The following ABAT variants were observed in gnomAD, a reference collection of about 807,000 sequenced individuals.
ABAT encodes the protein 4-aminobutyrate aminotransferase.
Under a neutral mutation model 64.6 loss-of-function variants are expected in ABAT, and 45 were observed. That is an observed-to-expected ratio of 0.70 (90% CI 0.55 to 0.89). ABAT has a LOEUF of 0.89. Ranked by LOEUF, ABAT falls within the 40% of genes least tolerant of loss-of-function variation. The pLI, the probability that ABAT is intolerant of heterozygous loss-of-function variation, is 0.00. For synonymous variants in ABAT, 297 were observed against 250.5 expected (o/e 1.19, Z -1.75); for missense variants, 633 against 658.4 (o/e 0.96, Z 0.42).
chr16:8,779,380 G>C, intron 14 of ABAT, 99 bp from the exon 15 acceptor site: 1 of 1,012,654 alleles, frequency 9.9e-7, no homozygotes, highest in East Asian at 2.5e-5. Flanking sequence ...CAGAGGCCGA[G>C]GCTGGACCAT....
chr16:8,766,254 C>T lies in ABAT; in HGVS notation c.587C>T (p.Thr196Met), dbSNP rs546024063. 6.8e-6 allele frequency: 11 copies of T among 1,614,092 alleles called. No homozygotes were observed. The highest frequency in any genetic ancestry group is 4.5e-5 in the East Asian group (2 of 44,884). Residue 196 changes from threonine (T) to methionine (M), a missense_variant, in exon 9 of 16, where the codon ACG becomes ATG. Coordinates refer to ENST00000268251, the MANE Select transcript of ABAT (RefSeq NM_020686.6). ...QRGFSQEELE[T>M]CMINQAPGCP... ...GGCTTCTCCCAGGAGGAGCTGGAGA[C>T]GTGCATGATTAACCAGGTGAGTGCA...
intron 1 of ABAT, among the ~76,000 whole-genome samples, chr16:8,682,204 CACACACACACACACACACACACAG>C (rs1305847175): frequency 7.4e-6 from 1 of 134,548 alleles, no homozygotes; most frequent in African/African-American, 2.5e-5. Flanking sequence ...CACACACACA[CACACACACACACACACACACACAG>C]AGGAGGCATT....
intron 4 of ABAT, among the ~76,000 whole-genome samples, chr16:8,749,476 G>A (rs1478270659): frequency 7.9e-6 from 1 of 127,122 alleles, no homozygotes; most frequent in Non-Finnish European, 1.6e-5. Context: ...TCGGCTCACT[G>A]CAACATCCGC....
At chr16:8,686,891 A>T (rs1474172746) in intron 1 of ABAT, among the ~76,000 whole-genome samples, 1 of 152,234 alleles carries the variant, frequency 6.6e-6, no homozygotes, top group African/African-American at 2.4e-5. Context: ...AACTGATGGT[A>T]TGTGGAGAAA....
At chr16:8,772,403 C>A (rs563327986) in intron 11 of ABAT, among the ~76,000 whole-genome samples, 1 of 152,202 alleles carries the variant, frequency 6.6e-6, no homozygotes, top group South Asian at 2.1e-4. Context: ...AAAACAGAGG[C>A]AGAACCACAG....
chr16:8,709,894 A>G (rs1313215529), intron 1 of ABAT, among the ~76,000 whole-genome samples: 2 of 151,494 alleles, frequency 1.3e-5, no homozygotes, highest in African/African-American at 2.4e-5. Flanking sequence ...CGGTAGCACA[A>G]TCTCGGTTCT....
Position 8,718,720 on chromosome 16 carries a change from G to A in ABAT, c.-41-16979G>A, listed in dbSNP as rs557507065. ...AGGGTTTTAGAGAACAACAGGAATA[G>A]AAGTATTTGCCTCCCAGGAGTAGAT... On this transcript the variant is annotated intron_variant, in intron 1 of 15. Coordinates refer to ENST00000268251, the MANE Select transcript of ABAT (RefSeq NM_020686.6). 2.2e-4 allele frequency among the ~76,000 whole-genome samples: 33 copies of A among 152,306 alleles called. 1 individual carries two copies. In the South Asian group the frequency reaches 6.8e-3, roughly 32 times the overall value.
intron 13 of ABAT, among the ~76,000 whole-genome samples, chr16:8,775,390 T>C (rs1274084794): frequency 6.6e-6 from 1 of 152,220 alleles, no homozygotes; most frequent in South Asian, 2.1e-4. Flanking sequence ...CTGAGAACAA[T>C]CTAACCAAGT....
Position 8,776,340 on chromosome 16 carries a change from C to G in ABAT, c.1123-4C>G. ...AGCCTTCCAACACCCGTTCCTCATT[C>G]CAGCCCTACCGGATCTTCAACACCT... On this transcript the variant is annotated splice_region_variant and splice_polypyrimidine_tract_variant and intron_variant, in intron 13 of 15. Transcript: ENST00000268251. The surrounding 1 kb of genome is among the most constrained non-coding windows in gnomAD (Gnocchi z 4.4). 1 of 1,614,204 alleles carries G rather than the reference C, an allele frequency of 6.2e-7. No homozygotes were observed. The highest frequency in any genetic ancestry group is 8.5e-7 in the Non-Finnish European group (1 of 1,180,044).
At chr16:8,716,941 A>G (rs922678600) in intron 1 of ABAT, among the ~76,000 whole-genome samples, 1 of 152,236 alleles carries the variant, frequency 6.6e-6, no homozygotes, top group Non-Finnish European at 1.5e-5. Flanking sequence ...AATTCACACC[A>G]GATTTTGAAG....
At chr16:8,694,718 T>C (rs1041615451) in intron 1 of ABAT, among the ~76,000 whole-genome samples, 2 of 152,160 alleles carry the variant, frequency 1.3e-5, no homozygotes, top group Non-Finnish European at 2.9e-5. Flanking sequence ...TCAGTTGCCA[T>C]TGCCACTTTG....
chr16:8,731,183 G>A (rs781097675), intron 1 of ABAT, among the ~76,000 whole-genome samples: 5 of 152,172 alleles, frequency 3.3e-5, no homozygotes, highest in African/African-American at 1.2e-4. Context: ...TGCTGATCTC[G>A]AACTCCTGAC....
At position 8,776,191 on chromosome 16, in the gene ABAT, C is replaced by T. The variant is rs1441430205; in HGVS notation, c.1123-153C>T. Among the ~76,000 whole-genome samples, 4 of 152,108 alleles carry T rather than the reference C, an allele frequency of 2.6e-5. No homozygotes were observed. The highest frequency in any genetic ancestry group is 4.4e-5 in the Non-Finnish European group (3 of 68,022). On this transcript the variant is annotated intron_variant, in intron 13 of 15. Transcript: ENST00000268251. The surrounding 1 kb of genome is among the most constrained non-coding windows in gnomAD (Gnocchi z 4.4). ...TAGCCTCTGGTAGAGAAGAATTCAG[C>T]GAGATTGGGTGTGTTCCCCTGCCAG...
chr16:8,693,159 T>C (rs1230253789), intron 1 of ABAT, among the ~76,000 whole-genome samples: 1 of 152,200 alleles, frequency 6.6e-6, no homozygotes, highest in East Asian at 1.9e-4. Flanking sequence ...CCAGCCTCCA[T>C]GTGTAACTTT....
chr16:8,766,216 A>G lies in ABAT; in HGVS notation c.549A>G (p.Glu183=). The change falls in exon 9 of 16, where the codon GAA becomes GAG. Residue 183 remains glutamate (E), a synonymous_variant. Transcript: ENST00000268251. ...CTGTTCTATTGTTTCAGAGCAAGGA[A>G]AGAGGGCAGAGGGGCTTCTCCCAGG... The part of the protein sequence containing the change: ...KTIFMWYRSK[E]RGQRGFSQEE... 6.2e-7 allele frequency: 1 copy of G among 1,613,954 alleles called. No homozygotes were observed. The highest frequency in any genetic ancestry group is 8.5e-7 in the Non-Finnish European group (1 of 1,179,892).
At chr16:8,681,913 A>G (rs1194815769) in intron 1 of ABAT, among the ~76,000 whole-genome samples, 1 of 152,110 alleles carries the variant, frequency 6.6e-6, no homozygotes, top group Non-Finnish European at 1.5e-5. Flanking sequence ...AAGTGCTGGG[A>G]TTACAGGCTG....
chr16:8,691,175 A>T (rs1404689244), intron 1 of ABAT, among the ~76,000 whole-genome samples: 2 of 152,094 alleles, frequency 1.3e-5, no homozygotes, highest in African/African-American at 4.8e-5. Flanking sequence ...TTATCTACTT[A>T]GTGCTTGGTA....
At chr16:8,709,775 G>A (rs1596409716) in intron 1 of ABAT, among the ~76,000 whole-genome samples, 1 of 151,858 alleles carries the variant, frequency 6.6e-6, no homozygotes, top group Non-Finnish European at 1.5e-5. Context: ...AAGATGTAGG[G>A]GCTTATCAGG....
At chr16:8,766,036 G>A (rs1055502341) in intron 8 of ABAT, 172 bp from the exon 9 acceptor site, 7 of 644,802 alleles carry the variant, frequency 1.1e-5, no homozygotes, top group Non-Finnish European at 2.0e-5. Context: ...TTTGTTGCGA[G>A]CACAGTTGGT....
Sources: allele counts gnomAD v4.1 joint callset (sites outside exome capture counted in the v4.1 genomes callset), GRCh38; gene constraint gnomAD v4.1.1; non-coding constraint Gnocchi (gnomAD v3.1); transcripts MANE v1.5; gene names NCBI Gene and HGNC (gene_info 2026-07-23, HGNC 2026-07-21).